The following GSG1L variants were observed in gnomAD, a reference collection of about 807,000 sequenced individuals.
The protein encoded by GSG1L is germ cell-specific gene 1-like protein.
GSG1L carries 24 observed loss-of-function variants against 42.1 expected under a neutral mutation model. The observed-to-expected ratio is 0.57, with a 90% CI of 0.41 to 0.80. GSG1L has a LOEUF of 0.80. Among genes scored for constraint, GSG1L ranks in the 30% least tolerant of loss-of-function variants. The probability of loss-of-function intolerance (pLI) is 0.00; values close to 1 mark genes in which losing one functional copy is unlikely to be tolerated. For missense variants in GSG1L, 445 were observed against 472.2 expected (o/e 0.94, Z 0.53); for synonymous variants, 215 against 203.5 (o/e 1.06, Z -0.48).
At chr16:27,871,900 C>T (rs1240468471) in intron 3 of GSG1L, among the ~76,000 whole-genome samples, 3 of 152,104 alleles carry the variant, frequency 2.0e-5, no homozygotes, top group Admixed American at 6.6e-5. Flanking sequence ...AAATGAAGAG[C>T]GACTGCTAGT....
At chr16:27,861,726 T>A (rs1398986466) in intron 3 of GSG1L, among the ~76,000 whole-genome samples, 1 of 152,168 alleles carries the variant, frequency 6.6e-6, no homozygotes, top group Non-Finnish European at 1.5e-5. Flanking sequence ...CCAAAGCATA[T>A]TCCTGACCCA....
chr16:28,000,116 C>A (rs1432856121), intron 1 of GSG1L, among the ~76,000 whole-genome samples: 1 of 152,202 alleles, frequency 6.6e-6, no homozygotes, highest in Non-Finnish European at 1.5e-5. Flanking sequence ...GATCTGTCTG[C>A]AGCATAGAAC....
At chr16:27,967,003 C>G (rs1049897235) in intron 1 of GSG1L, among the ~76,000 whole-genome samples, 2 of 152,138 alleles carry the variant, frequency 1.3e-5, no homozygotes, top group African/African-American at 4.8e-5. Context: ...TCACCTAAAC[C>G]ACTGAGATGG....
chr16:27,912,891 T>A (rs1393425860), intron 2 of GSG1L, among the ~76,000 whole-genome samples: 1 of 152,252 alleles, frequency 6.6e-6, no homozygotes, highest in Non-Finnish European at 1.5e-5. Context: ...TGTGGTGTAT[T>A]CACAGCATAG....
intron 5 of GSG1L, among the ~76,000 whole-genome samples, chr16:27,826,432 C>G (rs548552965): frequency 4.9e-4 from 75 of 152,324 alleles, no homozygotes; most frequent in Middle Eastern, 3.4e-3. Flanking sequence ...TGCAGTGATG[C>G]CTTCCTGCCA....
intron 2 of GSG1L, among the ~76,000 whole-genome samples, chr16:27,927,967 G>T (rs978816581): frequency 6.6e-6 from 1 of 152,108 alleles, no homozygotes; most frequent in Non-Finnish European, 1.5e-5. Context: ...TGGAGGATTC[G>T]TGCTTTATCA....
chr16:27,872,141 C>A (rs140123736), intron 3 of GSG1L, among the ~76,000 whole-genome samples: 1 of 152,288 alleles, frequency 6.6e-6, no homozygotes, highest in Non-Finnish European at 1.5e-5. Flanking sequence ...GTATTCCCTG[C>A]TGTATTATAT....
intron 1 of GSG1L, among the ~76,000 whole-genome samples, chr16:28,035,616 G>C (rs983664570): frequency 1.2e-4 from 19 of 152,092 alleles, no homozygotes; most frequent in Non-Finnish European, 2.1e-4. Flanking sequence ...TAATAGCCCC[G>C]ACCTCCACAC....
At chr16:27,939,535 G>A (rs1272798905) in intron 2 of GSG1L, among the ~76,000 whole-genome samples, 1 of 152,152 alleles carries the variant, frequency 6.6e-6, no homozygotes, top group African/African-American at 2.4e-5. Context: ...GTTGCTGTAT[G>A]ACAGAATGAC....
intron 1 of GSG1L, among the ~76,000 whole-genome samples, chr16:27,963,685 C>T (rs2085095957): frequency 6.6e-6 from 1 of 152,180 alleles, no homozygotes; most frequent in Non-Finnish European, 1.5e-5. Context: ...CAGAACAGGC[C>T]TTGACTGGCC....
At chr16:28,049,876 C>A (rs1399138067) in intron 1 of GSG1L, among the ~76,000 whole-genome samples, 1 of 152,128 alleles carries the variant, frequency 6.6e-6, no homozygotes, top group Non-Finnish European at 1.5e-5. Context: ...CAAAACTCCA[C>A]CTGCAAGAGC....
intron 3 of GSG1L, among the ~76,000 whole-genome samples, chr16:27,846,639 G>A (rs1280096292): frequency 6.6e-6 from 1 of 152,120 alleles, no homozygotes; most frequent in Non-Finnish European, 1.5e-5. Flanking sequence ...CTCTCTGATT[G>A]CATTTTAAAG....
intron 2 of GSG1L, among the ~76,000 whole-genome samples, chr16:27,920,636 A>G (rs1304664533): frequency 1.3e-5 from 2 of 152,182 alleles, no homozygotes; most frequent in Admixed American, 1.3e-4. Flanking sequence ...TATAGCAGCC[A>G]TCCCGGGAAG....
intron 2 of GSG1L, among the ~76,000 whole-genome samples, chr16:27,948,899 G>T (rs1015565929): frequency 1.2e-5 from 1 of 80,240 alleles, no homozygotes. Flanking sequence ...GTGAACCACC[G>T]CACCTGATCT....
In GSG1L at chr16:27,932,268, G is replaced by T. The variant is rs576106628; in HGVS notation, c.397+30888C>A. ...GGGTTTCACCATGTTGGCCAGGCTG[G>T]TCTTGAACTCCTGACCTCAAGTGAT... On this transcript the variant is annotated intron_variant, in intron 2 of 6. Coordinates refer to ENST00000447459, the MANE Select transcript of GSG1L (RefSeq NM_001109763.2). 3.3e-5 allele frequency among the ~76,000 whole-genome samples: 5 copies of T among 152,220 alleles called. No homozygotes were observed. The East Asian group carries it at 9.7e-4, about 29-fold the overall frequency.
chr16:27,872,917 T>C (rs2083840460), intron 3 of GSG1L, among the ~76,000 whole-genome samples: 1 of 152,180 alleles, frequency 6.6e-6, no homozygotes, highest in South Asian at 2.1e-4. Flanking sequence ...CAGGAAATAA[T>C]ACTAAGTATC....
At chr16:27,971,916 A>T (rs2085197632) in intron 1 of GSG1L, among the ~76,000 whole-genome samples, 1 of 152,190 alleles carries the variant, frequency 6.6e-6, no homozygotes. Context: ...CACTTTCAAG[A>T]CAAGCAAAGT....
intron 1 of GSG1L, among the ~76,000 whole-genome samples, chr16:27,978,475 G>A (rs960711164): frequency 9.2e-5 from 14 of 152,080 alleles, no homozygotes; most frequent in South Asian, 8.3e-4. Flanking sequence ...GGCGGATCAC[G>A]AGGTCAGGAG....
At chr16:28,048,767 T>C (rs1214165448) in intron 1 of GSG1L, among the ~76,000 whole-genome samples, 1 of 152,210 alleles carries the variant, frequency 6.6e-6, no homozygotes, top group African/African-American at 2.4e-5. Flanking sequence ...ATTAAATGCA[T>C]TCATAATTTT....
Sources: allele counts gnomAD v4.1 joint callset (sites outside exome capture counted in the v4.1 genomes callset), GRCh38; gene constraint gnomAD v4.1.1; transcripts MANE v1.5; gene names NCBI Gene and HGNC (gene_info 2026-07-23, HGNC 2026-07-21).